Variants in PASK observed in about 807,000 individuals in gnomAD.
The protein encoded by PASK is PAS domain containing serine/threonine kinase.
In PASK, 110 loss-of-function variants were observed where a neutral mutation model predicts 121.0. That is an observed-to-expected ratio of 0.91 (90% CI 0.78 to 1.06). The LOEUF is 1.06. Among genes scored for constraint, PASK ranks in the 50% least tolerant of loss-of-function variants. PASK has a pLI of 0.00. For missense variants in PASK, 1,643 were observed against 1,702.3 expected, an observed-to-expected ratio of 0.97 and a Z score of 0.61; for synonymous variants, 686 against 717.8, an observed-to-expected ratio of 0.96 and a Z score of 0.71.
chr2:241,137,873 C>A (rs2066513045), intron 6 of PASK, 80 bp downstream of exon 6: 1 of 1,526,964 alleles, frequency 6.5e-7, no homozygotes, highest in South Asian at 1.1e-5. Flanking sequence ...CTTCAGAAAC[C>A]CTTGGTCTGC....
At chr2:241,111,513 G>A (rs936773047) in intron 15 of PASK, among the ~76,000 whole-genome samples, 30 of 152,196 alleles carry the variant, frequency 2.0e-4, no homozygotes, top group African/African-American at 7.2e-4. Flanking sequence ...TTGGTTTACA[G>A]GCAGATGAGA....
intron 10 of PASK, among the ~76,000 whole-genome samples, chr2:241,124,584 A>G (rs2065768977): frequency 6.6e-6 from 1 of 152,142 alleles, no homozygotes; most frequent in African/African-American, 2.4e-5. Context: ...TACCTACTCT[A>G]CTCACTAACA....
At position 241,112,430 on chromosome 2, in the gene PASK, C is replaced by A; in HGVS notation, c.3343G>T (p.Ala1115Ser). The A allele has an allele frequency of 6.2e-7, 1 of 1,611,954 alleles. No homozygotes were observed. Among genetic ancestry groups the A allele is most frequent in the Non-Finnish European group, 8.5e-7 (1 of 1,178,330 alleles). The part of the protein sequence containing the change: ...ASYIFRQLVS[A>S]VGYLRLKDII... ...TCCTTCAAGCGCAGGTATCCCACTG[C>A]TGACACTAGCTGGAATCAGGAGGCC... The change falls in exon 15 of 18, where the codon GCA becomes TCA. Residue 1115 changes from alanine (A) to serine (S), a missense_variant. Around this residue, in one of 3 missense-constraint regions of PASK, gnomAD observed 453 missense variants for 511.2 expected, o/e 0.89. Coordinates refer to ENST00000234040, the MANE Select transcript of PASK (RefSeq NM_015148.4). The surrounding 1 kb of genome is among the most constrained non-coding windows in gnomAD (Gnocchi z 5.2).
intron 6 of PASK, 87 bp from the exon 7 acceptor site, chr2:241,137,351 C>G (rs2066483656): frequency 9.3e-7 from 1 of 1,070,316 alleles, no homozygotes; most frequent in Admixed American, 1.7e-5. Flanking sequence ...CGACTTCTAC[C>G]CCACGTCATC....
chr2:241,143,355 T>C (rs573895957), intron 1 of PASK, among the ~76,000 whole-genome samples: 11 of 152,028 alleles, frequency 7.2e-5, no homozygotes, highest in Admixed American at 2.6e-4. Context: ...ATCGAGACCA[T>C]CCTGACTAAC....
At chr2:241,148,309 CCT>C (rs2067073846) in intron 1 of PASK, among the ~76,000 whole-genome samples, 2 of 152,234 alleles carry the variant, frequency 1.3e-5, no homozygotes, top group South Asian at 4.1e-4. Flanking sequence ...CAACTGTCCC[CCT>C]CCCACCAGAA....
Position 241,140,574 on chromosome 2 carries a change from G to T in PASK, c.376C>A (p.Pro126Thr). Residue 126 changes from proline (P) to threonine (T), a missense_variant, in exon 3 of 18, where the codon CCT becomes ACT. This residue lies in a region of PASK where 1,176 missense variants were observed against 1,162.2 expected (regional missense o/e 1.01). Coordinates refer to ENST00000234040, the MANE Select transcript of PASK (RefSeq NM_015148.4). ...ATGGCCTTGTTAGGGTTGCACACAG[G>T]GGCCGGAAGCAGAGGTGAGGACCAC... is the stretch of plus-strand genomic sequence containing the variant. ...SGWSSPLLPA[P>T]VCNPNKAIFT... is the part of the protein sequence containing the mutation. 1.2e-6 allele frequency: 2 copies of T among 1,614,052 alleles called. No homozygotes were observed. The highest frequency in any genetic ancestry group is 1.7e-6 in the Non-Finnish European group (2 of 1,179,982).
intron 4 of PASK, chr2:241,139,607 G>T: frequency 1.5e-6 from 1 of 665,524 alleles, no homozygotes; most frequent in Non-Finnish European, 2.8e-6. Flanking sequence ...TGAAGCTACA[G>T]CCCTCAGACA....
intron 4 of PASK, chr2:241,139,586 CA>C (rs1559397228): frequency 1.6e-6 from 1 of 641,406 alleles, no homozygotes; most frequent in Admixed American, 2.1e-5. Flanking sequence ...GGCAGGACTG[CA>C]AAACATTAGT....
chr2:241,112,191 G>T lies in PASK; in HGVS notation c.3533+49C>A. On this transcript the variant is annotated intron_variant, in intron 15 of 17. Transcript: ENST00000234040. The surrounding 1 kb of genome is among the most constrained non-coding windows in gnomAD (Gnocchi z 5.2). ...CACCCAAAATCAAGCCACCCTCAGG[G>T]TCCTGACAGAGGACACGAGGACGGG... The T allele has an allele frequency of 7.0e-7, 1 of 1,429,930 alleles. No homozygotes were observed. The highest frequency in any genetic ancestry group is 9.9e-7 in the Non-Finnish European group (1 of 1,012,454). 88.6% of individuals were successfully genotyped at this position (1,429,930 alleles called of 1,614,324 possible).
chr2:241,107,855 T>C (rs2125398300), intron 16 of PASK, among the ~76,000 whole-genome samples: 1 of 152,252 alleles, frequency 6.6e-6, no homozygotes, highest in South Asian at 2.1e-4. Context: ...CCCCCAGCCT[T>C]GCATCTGGAT....
At chr2:241,114,115 TAAA>T in intron 14 of PASK, 1 of 985,290 alleles carries the variant, frequency 1.0e-6, no homozygotes. Flanking sequence ...CTGTTTGCTG[TAAA>T]AAGTTTCAGA....
rs978516854 is a variant in PASK, at chr2:241,113,782, A to C, written c.3333+1261T>G. On this transcript the variant is annotated intron_variant, in intron 14 of 17. Transcript: ENST00000234040. ...ATGCTGCCCTGGAGCGGCCTGAACC[A>C]AGCCAGGGCTGTTCCCAGGCCCAGC... The C allele has an allele frequency of 8.1e-6, 8 of 985,358 alleles. No individual in the cohort carries two copies. The Admixed American group carries it at 4.9e-4, about 61-fold the overall frequency. The allele number at this position is 985,358 out of a possible 1,614,324, so 61.0% of individuals were successfully genotyped here. A position where few individuals can be genotyped will look rare whatever the true frequency, so the allele number is the denominator to read the frequency against.
At chr2:241,150,302 C>G (rs1029879904), upstream of PASK, 27 of 1,321,644 alleles carry the variant, frequency 2.0e-5, no homozygotes, top group Non-Finnish European at 2.5e-5. Flanking sequence ...CTGAAATTAC[C>G]TGCTCTGGGG....
chr2:241,127,614 T>TA (rs2065934609), intron 9 of PASK, 163 bp from the exon 10 acceptor site: 2 of 672,506 alleles, frequency 3.0e-6, no homozygotes, highest in Admixed American at 2.3e-5. Context: ...ATAAAGCACT[T>TA]AGTCTCAAAT....
intron 1 of PASK, among the ~76,000 whole-genome samples, chr2:241,147,938 G>C (rs1392676685): frequency 6.6e-6 from 1 of 152,166 alleles, no homozygotes; most frequent in African/African-American, 2.4e-5. Flanking sequence ...TGAAGTCCAC[G>C]TGGGCCAGTT....
Position 241,122,919 on chromosome 2 carries a change from C to G in PASK, c.2905-20G>C, listed in dbSNP as rs769305368. On this transcript the variant is annotated intron_variant, in intron 11 of 17. Transcript: ENST00000234040. ...GAGCACCTGCAATGCAGAAGAAGGT[C>G]TGTGGGGTCACATGCAACTGCACCG... The G allele has an allele frequency of 8.7e-6, 14 of 1,612,810 alleles. No homozygotes were observed. Among genetic ancestry groups the G allele is most frequent in the Non-Finnish European group, 1.2e-5 (14 of 1,179,148 alleles).
chr2:241,128,738 C>T (rs1009928450), intron 9 of PASK, among the ~76,000 whole-genome samples: 2 of 152,078 alleles, frequency 1.3e-5, no homozygotes, highest in Non-Finnish European at 2.9e-5. Context: ...TGGTGACACA[C>T]ACCTGTAGTC....
At chr2:241,140,877 T>C (rs2066670649) in intron 2 of PASK, 124 bp from the exon 3 acceptor site, 1 of 720,406 alleles carries the variant, frequency 1.4e-6, no homozygotes. Context: ...ATTAAGTCAG[T>C]CTGCACAGCT....
Sources: gnomAD v4.1 joint callset for allele counts (sites outside exome capture counted in the v4.1 genomes callset) on GRCh38, gnomAD v4.1.1 for gene constraint, gnomAD v4.1.1 regional missense constraint, Gnocchi (gnomAD v3.1) non-coding constraint, MANE v1.5 for transcripts, NCBI Gene and HGNC (gene_info 2026-07-23, HGNC 2026-07-21) for gene names.